The following PCA3 variants were observed in gnomAD, a reference collection of about 807,000 sequenced individuals.
PCA3 encodes prostate cancer associated 3.
chr9:76,782,500 C>T (rs1397441895), intron 2 of PCA3, among the ~76,000 whole-genome samples: 1 of 152,214 alleles, frequency 6.6e-6, no homozygotes, highest in Non-Finnish European at 1.5e-5. Flanking sequence ...ACAACTACAG[C>T]ATCTTCTTTA....
chr9:76,772,959 G>A (rs2130979491), intron 2 of PCA3, among the ~76,000 whole-genome samples: 1 of 152,238 alleles, frequency 6.6e-6, no homozygotes, highest in Middle Eastern at 3.4e-3. Context: ...GTCACTTTTT[G>A]CTCCTTTCCT....
chr9:76,771,524 C>T (rs571976966), intron 2 of PCA3, among the ~76,000 whole-genome samples: 5 of 152,220 alleles, frequency 3.3e-5, no homozygotes, highest in African/African-American at 7.2e-5. Context: ...AGGAAGACTA[C>T]GGTGAGTCGG....
intron 2 of PCA3, among the ~76,000 whole-genome samples, chr9:76,782,509 T>A (rs2054524658): frequency 6.6e-6 from 1 of 152,242 alleles, no homozygotes. Context: ...GCATCTTCTT[T>A]ACAGAGTTCT....
At chr9:76,772,485 C>A (rs2053220936) in intron 2 of PCA3, among the ~76,000 whole-genome samples, 2 of 152,246 alleles carry the variant, frequency 1.3e-5, no homozygotes, top group South Asian at 4.1e-4. Context: ...TTAAAGGAAA[C>A]CAAAAATAAC....
At chr9:76,778,153 AGACTT>A in intron 2 of PCA3, among the ~76,000 whole-genome samples, 1 of 152,348 alleles carries the variant, frequency 6.6e-6, no homozygotes, top group East Asian at 1.9e-4. Context: ...CTCTGGAGGT[AGACTT>A]GAGAATCTGA....
intron 2 of PCA3, among the ~76,000 whole-genome samples, chr9:76,781,301 G>A (rs2054366198): frequency 1.3e-5 from 2 of 152,100 alleles, no homozygotes; most frequent in South Asian, 2.1e-4. Flanking sequence ...ACTCTGGCCT[G>A]GGAGGGCTTG....
At chr9:76,778,275 C>G (rs1265423463) in intron 2 of PCA3, 2 of 152,214 alleles carry the variant, frequency 1.3e-5, no homozygotes, top group African/African-American at 2.4e-5. Context: ...CTTCTAGAGA[C>G]AGCCAGCATT....
At chr9:76,782,105 T>G (rs1340602645) in intron 2 of PCA3, among the ~76,000 whole-genome samples, 3 of 151,932 alleles carry the variant, frequency 2.0e-5, no homozygotes, top group Admixed American at 2.0e-4. Flanking sequence ...TCCCAGCTAC[T>G]GGGGAGGCTG....
intron 2 of PCA3, among the ~76,000 whole-genome samples, chr9:76,774,469 T>TATTTA (rs1172601108): frequency 2.9e-5 from 4 of 140,078 alleles, no homozygotes; most frequent in Admixed American, 7.2e-5. Flanking sequence ...TTTTTTTTTT[T>TATTTA]TTTTTTTTGA....
chr9:76,776,595 A>C (rs2053793564), intron 2 of PCA3, among the ~76,000 whole-genome samples: 1 of 147,820 alleles, frequency 6.8e-6, no homozygotes, highest in Admixed American at 6.8e-5. Flanking sequence ...GCTCACTGCA[A>C]CATCCGCCTC....
intron 2 of PCA3, among the ~76,000 whole-genome samples, chr9:76,774,456 T>TTATTTATTTATTTATTTACTTA (rs1554761633): frequency 7.5e-6 from 1 of 133,814 alleles, no homozygotes; most frequent in South Asian, 2.5e-4. Context: ...AACCCTTTTT[T>TTATTTATTTATTTATTTACTTA]TTTTTTTTTT....
At chr9:76,764,948 A>G (rs947868917) in intron 2 of PCA3, among the ~76,000 whole-genome samples, 1 of 152,234 alleles carries the variant, frequency 6.6e-6, no homozygotes, top group African/African-American at 2.4e-5. Flanking sequence ...CTGACTAACT[A>G]TACTGAGAGA....
rs759627070 is a variant in PCA3 at position 76,774,459 on chromosome 9, T to TATTTATTTATTTATTTATTTA, written n.853-34124_853-34123insATTTATTTATTTATTTATTTA. On this transcript the variant is annotated intron_variant and non_coding_transcript_variant, in intron 2 of 5. Coordinates refer to ENST00000644657, the Ensembl canonical transcript of PCA3. ...GGCCTCCAGTTCAACCCTTTTTTTTTTTTTTTTTTTTTTTTTTTGAGATGG... is the reference window on the plus strand; with the variant it reads ...GGCCTCCAGTTCAACCCTTTTTTTTTATTTATTTATTTATTTATTTATTTTTTTTTTTTTTTTTTGAGATGG... 2.2e-4 allele frequency among the ~76,000 whole-genome samples: 30 copies of TATTTATTTATTTATTTATTTA among 139,124 alleles called. 1 individual carries two copies. The highest frequency in any genetic ancestry group is 7.9e-4 in the African/African-American group (30 of 38,042). 91.3% of individuals were successfully genotyped at this position (139,124 alleles called of 152,430 possible).
chr9:76,774,462 T>TTTTA (rs2053510281), intron 2 of PCA3, among the ~76,000 whole-genome samples: 24 of 104,252 alleles, frequency 2.3e-4, no homozygotes, highest in Non-Finnish European at 4.5e-4. Flanking sequence ...TTTTTTTTTT[T>TTTTA]TTTTTTTTTT....
intron 2 of PCA3, among the ~76,000 whole-genome samples, chr9:76,768,320 G>A (rs1289569439): frequency 1.3e-5 from 2 of 152,114 alleles, no homozygotes; most frequent in African/African-American, 2.4e-5. Flanking sequence ...AGCCTCCCAA[G>A]TAGCTGGGAT....
rs1564272734 is a variant in PCA3 at position 76,774,461 on chromosome 9, T to TA, written n.853-34122_853-34121insA. Among the ~76,000 whole-genome samples the TA allele has an allele frequency of 2.1e-3, 159 of 74,824 alleles. 5 individuals carry two copies. Among genetic ancestry groups the TA allele is most frequent in the Admixed American group, 0.015 (125 of 8,066 alleles). 49.1% of individuals were successfully genotyped at this position (74,824 alleles called of 152,430 possible). On this transcript the variant is annotated intron_variant and non_coding_transcript_variant, in intron 2 of 5. Coordinates refer to ENST00000644657, the Ensembl canonical transcript of PCA3. ...CCTCCAGTTCAACCCTTTTTTTTTT[T>TA]TTTTTTTTTTTTTTTTGAGATGGAG...
At chr9:76,776,518 C>T (rs74544887) in intron 2 of PCA3, among the ~76,000 whole-genome samples, 171 of 122,310 alleles carry the variant, frequency 1.4e-3, no homozygotes, top group Non-Finnish European at 1.5e-3. Flanking sequence ...TTTCTTTTTT[C>T]TTTTTTTTTT....
intron 2 of PCA3, among the ~76,000 whole-genome samples, chr9:76,768,337 C>T (rs1223520693): frequency 6.6e-6 from 1 of 152,136 alleles, no homozygotes; most frequent in Non-Finnish European, 1.5e-5. Flanking sequence ...GGATTACAGG[C>T]CTGCGCCACT....
chr9:76,784,821 C>G (rs2054802959), intron 2 of PCA3: 1 of 152,490 alleles, frequency 6.6e-6, no homozygotes, highest in African/African-American at 2.4e-5. Context: ...TCAACATCAT[C>G]CTCAGTGTCT....
Sources: allele counts gnomAD v4.1 joint callset (sites outside exome capture counted in the v4.1 genomes callset), GRCh38; gene constraint gnomAD v4.1.1; transcripts MANE v1.5; gene names NCBI Gene and HGNC (gene_info 2026-07-23, HGNC 2026-07-21).